The following FSIP1 variants were observed in gnomAD, a reference collection of about 807,000 sequenced individuals.
The protein encoded by FSIP1 is fibrous sheath interacting protein 1.
In FSIP1, 65 loss-of-function variants were observed where a neutral mutation model predicts 60.9. That is an observed-to-expected ratio of 1.07 (90% CI 0.87 to 1.31). The LOEUF (loss-of-function observed/expected upper bound fraction) is 1.31, where lower values mean the gene tolerates loss of function less well. Among genes scored for constraint, FSIP1 ranks in the 40% most tolerant of loss-of-function variants. The pLI, the probability that FSIP1 is intolerant of heterozygous loss-of-function variation, is 0.00. For missense variants in FSIP1, 675 were observed against 665.5 expected (o/e 1.01, Z -0.16); for synonymous variants, 209 against 221.2 (o/e 0.94, Z 0.49).
chr15:39,667,977 C>A (rs967461769), intron 10 of FSIP1, among the ~76,000 whole-genome samples: 1 of 152,038 alleles, frequency 6.6e-6, no homozygotes, highest in Non-Finnish European at 1.5e-5. Context: ...TCCTGAGAAG[C>A]AGAGAATAAC....
chr15:39,690,255 T>C (rs1894542289), intron 10 of FSIP1, among the ~76,000 whole-genome samples: 1 of 152,120 alleles, frequency 6.6e-6, no homozygotes, highest in Non-Finnish European at 1.5e-5. Flanking sequence ...TTATAGGATG[T>C]TAATCAGGGG....
chr15:39,608,487 A>G (rs904555379), intron 11 of FSIP1, among the ~76,000 whole-genome samples: 33 of 152,226 alleles, frequency 2.2e-4, no homozygotes, highest in African/African-American at 8.0e-4. Context: ...ATTGCATCCA[A>G]TTTTGTAAGT....
At chr15:39,715,130 G>A (rs1437877728) in intron 9 of FSIP1, among the ~76,000 whole-genome samples, 1 of 152,104 alleles carries the variant, frequency 6.6e-6, no homozygotes, top group Admixed American at 6.5e-5. Context: ...GGAAGACACA[G>A]AACAAGGTGC....
intron 10 of FSIP1, among the ~76,000 whole-genome samples, chr15:39,627,738 G>T (rs1402884208): frequency 6.6e-6 from 1 of 152,234 alleles, no homozygotes; most frequent in Non-Finnish European, 1.5e-5. Context: ...CAGTAGTCAG[G>T]TCAATGATAC....
chr15:39,729,507 G>A lies in FSIP1; in HGVS notation c.892-2760C>T, dbSNP rs149364900. Among the ~76,000 whole-genome samples, 184 of 152,174 alleles carry A rather than the reference G, an allele frequency of 1.2e-3. 1 individual carries two copies. Among genetic ancestry groups the A allele is most frequent in the Non-Finnish European group, 2.3e-3 (156 of 68,004 alleles). The stretch of plus-strand genomic sequence containing the variant: ...GAGGATCACTTGAGCCTGAGAGGTC[G>A]AAGCTGCAGTGAGCCATGACGACAT... On this transcript the variant is annotated intron_variant, in intron 8 of 11. Coordinates refer to ENST00000350221, the MANE Select transcript of FSIP1 (RefSeq NM_152597.5).
chr15:39,776,112 G>C (rs1898045120), intron 2 of FSIP1, among the ~76,000 whole-genome samples: 1 of 140,106 alleles, frequency 7.1e-6, no homozygotes, highest in East Asian at 2.3e-4. Flanking sequence ...AAAAAAGAAA[G>C]GAAAAAAAGG....
intron 10 of FSIP1, among the ~76,000 whole-genome samples, chr15:39,656,801 C>T (rs1044598663): frequency 7.2e-5 from 11 of 152,088 alleles, no homozygotes; most frequent in South Asian, 2.1e-4. Context: ...AGAAAAAAAT[C>T]AAAAAATGTT....
intron 8 of FSIP1, among the ~76,000 whole-genome samples, chr15:39,735,182 T>C (rs1284121148): frequency 1.3e-5 from 2 of 152,220 alleles, no homozygotes; most frequent in African/African-American, 4.8e-5. Flanking sequence ...CAGTTATGTG[T>C]CGCTTAACGA....
In FSIP1 at chr15:39,739,565, T is replaced by G. The variant is rs770184404; in HGVS notation, c.780+100A>C. ...ACTAATTCAATCATTTATACATTTA[T>G]GATGGTTGAAAAATATTTAAAGACA... is the stretch of plus-strand genomic sequence containing the variant. On this transcript the variant is annotated intron_variant, in intron 7 of 11. Transcript: ENST00000350221. The G allele has an allele frequency of 2.8e-4, 306 of 1,098,076 alleles. 1 individual carries two copies. The highest frequency in any genetic ancestry group is 3.6e-4 in the Non-Finnish European group (275 of 754,874). 68.0% of individuals were successfully genotyped at this position (1,098,076 alleles called of 1,614,324 possible).
At chr15:39,625,409 G>A (rs1382484193) in intron 10 of FSIP1, among the ~76,000 whole-genome samples, 1 of 152,188 alleles carries the variant, frequency 6.6e-6, no homozygotes, top group Non-Finnish European at 1.5e-5. Context: ...GGCTTGCCGG[G>A]GACATAAGCA....
At chr15:39,609,718 A>G (rs756603196) in intron 11 of FSIP1, among the ~76,000 whole-genome samples, 8 of 152,268 alleles carry the variant, frequency 5.3e-5, no homozygotes, top group Non-Finnish European at 8.8e-5. Context: ...GATTAAAAAC[A>G]GCAGTACTTC....
chr15:39,651,685 T>C (rs1008674504), intron 10 of FSIP1, among the ~76,000 whole-genome samples: 4 of 152,374 alleles, frequency 2.6e-5, no homozygotes, highest in Admixed American at 2.6e-4. Context: ...ACTAGTGTTA[T>C]TGTTATAAAA....
intron 11 of FSIP1, among the ~76,000 whole-genome samples, chr15:39,615,780 T>TTACCAGTG (rs1891207313): frequency 6.6e-6 from 1 of 150,660 alleles, no homozygotes; most frequent in African/African-American, 2.4e-5. Flanking sequence ...AGAATGGCAG[T>TTACCAGTG]TACCAGTGGC....
intron 10 of FSIP1, among the ~76,000 whole-genome samples, chr15:39,623,941 G>A (rs1343776866): frequency 6.6e-6 from 1 of 152,202 alleles, no homozygotes; most frequent in African/African-American, 2.4e-5. Context: ...TATGTAGCAT[G>A]AACTGACTCT....
intron 10 of FSIP1, among the ~76,000 whole-genome samples, chr15:39,629,479 G>T (rs1188747500): frequency 6.6e-6 from 1 of 152,192 alleles, no homozygotes; most frequent in Non-Finnish European, 1.5e-5. Flanking sequence ...AGCTAAGCCA[G>T]GTTCATCCCA....
chr15:39,728,709 A>G (rs1896292883), intron 8 of FSIP1, among the ~76,000 whole-genome samples: 1 of 152,242 alleles, frequency 6.6e-6, no homozygotes, highest in Non-Finnish European at 1.5e-5. Context: ...CCTGTCAAGG[A>G]TTTCATAATG....
At chr15:39,657,340 A>G (rs1335460625) in intron 10 of FSIP1, among the ~76,000 whole-genome samples, 1 of 152,190 alleles carries the variant, frequency 6.6e-6, no homozygotes, top group Non-Finnish European at 1.5e-5. Context: ...ATCAGGGACA[A>G]GATTACACAA....
intron 5 of FSIP1, among the ~76,000 whole-genome samples, chr15:39,760,171 T>C (rs1897445889): frequency 1.3e-5 from 2 of 152,150 alleles, no homozygotes; most frequent in South Asian, 4.1e-4. Context: ...TATATAATCA[T>C]TAAAAATAAT....
chr15:39,615,942 A>C (rs1891214572), intron 11 of FSIP1, among the ~76,000 whole-genome samples: 1 of 149,648 alleles, frequency 6.7e-6, no homozygotes, highest in Non-Finnish European at 1.5e-5. Context: ...AACTAAGAGT[A>C]AATTTCAAGT....
Sources: allele counts gnomAD v4.1 joint callset (sites outside exome capture counted in the v4.1 genomes callset), GRCh38; gene constraint gnomAD v4.1.1; transcripts MANE v1.5; gene names NCBI Gene and HGNC (gene_info 2026-07-23, HGNC 2026-07-21).